Variants in INPP4B observed in about 807,000 individuals in gnomAD.
INPP4B encodes inositol polyphosphate-4-phosphatase type II B.
In INPP4B, 55 loss-of-function variants were observed where a neutral mutation model predicts 122.5. The ratio of observed to expected loss-of-function variants is 0.45; its 90% CI spans 0.36 to 0.56. INPP4B has a LOEUF of 0.56. Ranked by LOEUF, INPP4B falls within the 20% of genes least tolerant of loss-of-function variation. The pLI is 0.00. For missense variants in INPP4B, 1,000 were observed against 1,097.7 expected, an observed-to-expected ratio of 0.91 and a Z score of 1.26; for synonymous variants, 403 against 388.7, an observed-to-expected ratio of 1.04 and a Z score of -0.43.
chr4:142,610,326 A>G (rs1742201178), intron 2 of INPP4B, among the ~76,000 whole-genome samples: 1 of 151,836 alleles, frequency 6.6e-6, no homozygotes, highest in African/African-American at 2.4e-5. Context: ...AATCCATTAA[A>G]CCTCTTTCCT....
At chr4:142,547,871 G>A (rs1726986978) in intron 2 of INPP4B, among the ~76,000 whole-genome samples, 1 of 151,966 alleles carries the variant, frequency 6.6e-6, no homozygotes, top group Non-Finnish European at 1.5e-5. Flanking sequence ...AAATATTATG[G>A]GAATTCATAA....
At chr4:142,658,084 T>C (rs957636553) in intron 2 of INPP4B, among the ~76,000 whole-genome samples, 1 of 152,210 alleles carries the variant, frequency 6.6e-6, no homozygotes, top group South Asian at 2.1e-4. Context: ...CGATATGCTA[T>C]CAATCATAAT....
chr4:142,730,489 C>G (rs550693542), intron 1 of INPP4B, among the ~76,000 whole-genome samples: 1 of 152,286 alleles, frequency 6.6e-6, no homozygotes, highest in African/African-American at 2.4e-5. Flanking sequence ...TATCCCAGTT[C>G]CATTCTTCAG....
At chr4:142,355,102 T>C (rs1783144757) in intron 7 of INPP4B, among the ~76,000 whole-genome samples, 1 of 152,004 alleles carries the variant, frequency 6.6e-6, no homozygotes, top group South Asian at 2.1e-4. Flanking sequence ...ACCTGGACTT[T>C]TTATATGATT....
At chr4:142,146,325 A>G (rs76702503) in intron 17 of INPP4B, among the ~76,000 whole-genome samples, 1,760 of 152,296 alleles carry the variant, frequency 0.012, 25 homozygotes, top group Middle Eastern at 0.024. Flanking sequence ...CTTTATCAAC[A>G]CTTATTATGA....
chr4:142,757,943 A>G (rs1770739673), intron 1 of INPP4B, among the ~76,000 whole-genome samples: 1 of 152,062 alleles, frequency 6.6e-6, no homozygotes, highest in Non-Finnish European at 1.5e-5. Flanking sequence ...CAAATCTAGA[A>G]CTAGTGAATC....
chr4:142,807,081 A>G (rs1778958756), intron 1 of INPP4B, among the ~76,000 whole-genome samples: 1 of 152,188 alleles, frequency 6.6e-6, no homozygotes, highest in Non-Finnish European at 1.5e-5. Flanking sequence ...TGTGTTTGTA[A>G]GCATCTAGAA....
chr4:142,049,556 C>T (rs945001163), intron 25 of INPP4B, among the ~76,000 whole-genome samples: 19 of 151,926 alleles, frequency 1.3e-4, no homozygotes, highest in African/African-American at 4.1e-4. Flanking sequence ...AAGTAGTTAT[C>T]TATGACTGTA....
chr4:142,610,391 A>C (rs1742214053), intron 2 of INPP4B, among the ~76,000 whole-genome samples: 1 of 152,196 alleles, frequency 6.6e-6, no homozygotes, highest in Non-Finnish European at 1.5e-5. Context: ...GAACAGAATA[A>C]TATATTAATT....
intron 2 of INPP4B, among the ~76,000 whole-genome samples, chr4:142,554,870 C>A (rs1162640220): frequency 2.0e-5 from 3 of 152,156 alleles, no homozygotes; most frequent in Non-Finnish European, 4.4e-5. Flanking sequence ...ATTAAACATA[C>A]CATGTTTTTC....
At chr4:142,058,981 G>A (rs1051431372) in intron 25 of INPP4B, among the ~76,000 whole-genome samples, 3 of 152,114 alleles carry the variant, frequency 2.0e-5, no homozygotes, top group African/African-American at 7.2e-5. Flanking sequence ...GCAGAAAAGT[G>A]CAGGCAGGTC....
At chr4:142,558,822 A>AG (rs1275438310) in intron 2 of INPP4B, among the ~76,000 whole-genome samples, 1 of 136,984 alleles carries the variant, frequency 7.3e-6, no homozygotes, top group Non-Finnish European at 1.6e-5. Context: ...AAAAAAAAAA[A>AG]AGAAGCTCAA....
intron 9 of INPP4B, among the ~76,000 whole-genome samples, chr4:142,300,660 T>C (rs533804099): frequency 7.3e-4 from 111 of 152,270 alleles, no homozygotes; most frequent in African/African-American, 2.5e-3. Context: ...TGCATAGGTA[T>C]ACATATAAAT....
intron 7 of INPP4B, among the ~76,000 whole-genome samples, chr4:142,362,915 A>G (rs1020015262): frequency 5.3e-5 from 8 of 152,018 alleles, no homozygotes; most frequent in South Asian, 2.1e-4. Flanking sequence ...GACGGAATCA[A>G]TGGAAGCCCA....
chr4:142,623,729 C>A, intron 2 of INPP4B, among the ~76,000 whole-genome samples: 1 of 149,754 alleles, frequency 6.7e-6, no homozygotes, highest in Non-Finnish European at 1.5e-5. Context: ...TCACCCCACC[C>A]CACAACAGTC....
rs888585150 is a variant in INPP4B at position 142,164,606 on chromosome 4, G to T, written c.1360-4045C>A. 4.0e-5 allele frequency among the ~76,000 whole-genome samples: 6 copies of T among 151,606 alleles called. No individual in the cohort carries two copies. In the South Asian group the frequency reaches 6.2e-4, roughly 16 times the overall value. On this transcript the variant is annotated intron_variant, in intron 16 of 25. Coordinates refer to ENST00000262992, the MANE Select transcript of INPP4B (RefSeq NM_001101669.3). Reference sequence around the variant, plus strand: ...GGCAGCTCATATATATTATCCATTTGCCCTTGGAAAAACCACATAATCATT... The same window carrying T: ...GGCAGCTCATATATATTATCCATTTTCCCTTGGAAAAACCACATAATCATT...
chr4:142,452,696 G>C (rs566637659), intron 3 of INPP4B, among the ~76,000 whole-genome samples: 3 of 152,244 alleles, frequency 2.0e-5, no homozygotes, highest in African/African-American at 7.2e-5. Flanking sequence ...TTACTCTGCT[G>C]TTCAGTGTGT....
At chr4:142,468,316 A>C (rs998972442) in intron 2 of INPP4B, among the ~76,000 whole-genome samples, 3 of 152,190 alleles carry the variant, frequency 2.0e-5, no homozygotes, top group African/African-American at 7.2e-5. Context: ...CTCCAGGTTA[A>C]GGGCCCACAT....
chr4:142,519,880 C>T (rs1405542753), intron 2 of INPP4B, among the ~76,000 whole-genome samples: 1 of 152,004 alleles, frequency 6.6e-6, no homozygotes, highest in African/African-American at 2.4e-5. Context: ...AAGATCATAT[C>T]TTTGAAAACT....
Sources: allele counts gnomAD v4.1 joint callset (sites outside exome capture counted in the v4.1 genomes callset), GRCh38; gene constraint gnomAD v4.1.1; transcripts MANE v1.5; gene names NCBI Gene and HGNC (gene_info 2026-07-23, HGNC 2026-07-21).